Variants in SERPINB5 observed in about 807,000 individuals in gnomAD.
SERPINB5 encodes serpin family B member 5, also known as serpin B5.
SERPINB5 carries 27 observed loss-of-function variants against 32.2 expected under a neutral mutation model. That is an observed-to-expected ratio of 0.84 (90% CI 0.62 to 1.16). The LOEUF (loss-of-function observed/expected upper bound fraction) is 1.16. Among genes scored for constraint, SERPINB5 ranks in the 50% most tolerant of loss-of-function variants. The probability of loss-of-function intolerance (pLI) is 0.00; values close to 1 mark genes in which losing one functional copy is unlikely to be tolerated. For missense variants in SERPINB5, 388 were observed against 436.3 expected (o/e 0.89, Z 0.99); for synonymous variants, 154 against 157.4 (o/e 0.98, Z 0.16).
In SERPINB5 at chr18:63,489,480, T is replaced by TC; in HGVS notation, c.424+16_424+17insC. 1.4e-6 allele frequency: 2 copies of TC among 1,437,040 alleles called. No individual in the cohort carries two copies. The highest frequency in any genetic ancestry group is 2.0e-6 in the Non-Finnish European group (2 of 1,023,826). The allele number at this position is 1,437,040 out of a possible 1,614,324, so 89.0% of individuals were successfully genotyped here. A position where few individuals can be genotyped will look rare whatever the true frequency, so the allele number is the denominator to read the frequency against. Reference sequence around the variant, plus strand: ...CTCACAGATGGCAAGTACCCTTTAATTGTTCTGCTATCAATCACCAAGTAA... The same window carrying TC: ...CTCACAGATGGCAAGTACCCTTTAATCTGTTCTGCTATCAATCACCAAGTAA... On this transcript the variant is annotated intron_variant, in intron 4 of 6. Transcript: ENST00000382771.
At chr18:63,479,708 C>T (rs568930841) in intron 1 of SERPINB5, among the ~76,000 whole-genome samples, 14 of 152,196 alleles carry the variant, frequency 9.2e-5, no homozygotes, top group African/African-American at 3.4e-4. Context: ...GGGGCTATGT[C>T]GTTTTCACCT....
chr18:63,485,247 T>C (rs1917190763), intron 2 of SERPINB5, among the ~76,000 whole-genome samples: 1 of 152,256 alleles, frequency 6.6e-6, no homozygotes, highest in African/African-American at 2.4e-5. Context: ...TATGGTTGAT[T>C]ATCTAGCTTT....
chr18:63,502,720 T>C lies in SERPINB5; in HGVS notation c.736-610T>C, dbSNP rs550675447. Among the ~76,000 whole-genome samples the C allele has an allele frequency of 3.3e-5, 5 of 152,272 alleles. No homozygotes were observed. In the South Asian group the frequency reaches 1.0e-3, roughly 32 times the overall value. The stretch of plus-strand genomic sequence containing the variant: ...TGATCCAGGCATTTGTTTCTATAAA[T>C]CTACTCTCTAACTTAAGGTTGGGTG... On this transcript the variant is annotated intron_variant, in intron 6 of 6. Transcript: ENST00000382771.
At chr18:63,484,308 C>A in intron 1 of SERPINB5, 114 bp from the exon 2 acceptor site, 1 of 1,055,712 alleles carries the variant, frequency 9.5e-7, no homozygotes, top group Non-Finnish European at 1.3e-6. Context: ...TTCCTTGTTT[C>A]TTCTGAGATC....
At chr18:63,493,496 C>G (rs2144503445) in intron 5 of SERPINB5, 1 of 416,460 alleles carries the variant, frequency 2.4e-6, no homozygotes, top group Non-Finnish European at 4.2e-6. Flanking sequence ...ATTAACTTCT[C>G]TAACATCTCA....
chr18:63,499,047 G>A (rs12458045), intron 5 of SERPINB5, 73 bp from the exon 6 acceptor site: 43 of 497,740 alleles, frequency 8.6e-5, no homozygotes, highest in African/African-American at 1.4e-4. Flanking sequence ...GCGCGTGTGT[G>A]TATATATATA....
rs957488890 is a variant in SERPINB5, at chr18:63,503,956, A to G, written c.*234A>G. On this transcript the variant is annotated 3_prime_UTR_variant, in exon 7 of 7. Transcript: ENST00000382771. ...ACAATGACATACGCTTTTAATGAAA[A>G]GGAATCACGTTAGAGGAAAAATATT... 3.9e-6 allele frequency: 2 copies of G among 508,796 alleles called. No individual in the cohort carries two copies. Among genetic ancestry groups the G allele is most frequent in the Admixed American group, 7.7e-5 (2 of 26,106 alleles). The allele number at this position is 508,796 out of a possible 1,614,324, so 31.5% of individuals were successfully genotyped here. A position where few individuals can be genotyped will look rare whatever the true frequency, so the allele number is the denominator to read the frequency against.
At chr18:63,491,532 C>T (rs8099056) in intron 4 of SERPINB5, among the ~76,000 whole-genome samples, 56,198 of 149,568 alleles carry the variant, frequency 0.38, 11,789 homozygotes, top group Non-Finnish European at 0.49. Flanking sequence ...TGGAGTGCAG[C>T]GGCACGATCT....
intron 1 of SERPINB5, among the ~76,000 whole-genome samples, chr18:63,483,965 C>A (rs1048338356): frequency 6.6e-6 from 1 of 152,248 alleles, no homozygotes; most frequent in African/African-American, 2.4e-5. Context: ...CAACCCATTA[C>A]ACTTACTAAA....
intron 1 of SERPINB5, among the ~76,000 whole-genome samples, chr18:63,477,996 G>GT (rs1373656305): frequency 5.3e-5 from 8 of 152,268 alleles, no homozygotes; most frequent in African/African-American, 1.9e-4. Context: ...CGTGGGTTCT[G>GT]TTACCATCTT....
rs1909522655 is a variant in SERPINB5, at chr18:63,499,288, G to A, written c.735+1G>A. On this transcript the variant is annotated splice_donor_variant, in intron 6 of 6. Coordinates refer to ENST00000382771, the MANE Select transcript of SERPINB5 (RefSeq NM_002639.5). LOFTEE classifies it high-confidence loss of function. ...GGATGAGTCCACAGGCTTGGAGAAG[G>A]TAAGGAGAAGGCAGGTGCTCTCCAC... is the stretch of plus-strand genomic sequence containing the variant. 2 of 1,553,926 alleles carry A rather than the reference G, an allele frequency of 1.3e-6. No individual in the cohort carries two copies. The highest frequency in any genetic ancestry group is 1.4e-5 in the African/African-American group (1 of 72,800).
intron 1 of SERPINB5, among the ~76,000 whole-genome samples, chr18:63,482,316 A>G (rs1228820489): frequency 6.6e-6 from 1 of 152,168 alleles, no homozygotes; most frequent in Non-Finnish European, 1.5e-5. Flanking sequence ...GTACTGGCCA[A>G]AGGGAGTCCT....
intron 1 of SERPINB5, among the ~76,000 whole-genome samples, chr18:63,478,742 A>T (rs1197152046): frequency 6.7e-6 from 1 of 149,044 alleles, no homozygotes; most frequent in Non-Finnish European, 1.5e-5. Flanking sequence ...CGATACTCTG[A>T]CACAGTAAAA....
rs10669993 is a variant in SERPINB5, at chr18:63,478,758, G to GTTTT, written c.-8+1726_-8+1729dup. ...GATACTCTGACACAGTAAAAACGTA[G>GTTTT]TTTTTTTTTTTTTTTTCTTGAGATG... is the stretch of plus-strand genomic sequence containing the variant. On this transcript the variant is annotated intron_variant, in intron 1 of 6. Coordinates refer to ENST00000382771, the MANE Select transcript of SERPINB5 (RefSeq NM_002639.5). Among the ~76,000 whole-genome samples the GTTTT allele has an allele frequency of 2.2e-3, 299 of 135,374 alleles. 14 individuals are homozygous for GTTTT. The highest frequency in any genetic ancestry group is 3.8e-3 in the Middle Eastern group (1 of 260). The allele number at this position is 135,374 out of a possible 152,430, so 88.8% of individuals were successfully genotyped here.
chr18:63,481,785 C>T (rs1217610705), intron 1 of SERPINB5, among the ~76,000 whole-genome samples: 1 of 152,210 alleles, frequency 6.6e-6, no homozygotes, highest in African/African-American at 2.4e-5. Flanking sequence ...ACTCAACAGG[C>T]TTTCATTTTT....
At chr18:63,486,219 T>C (rs543821625) in intron 2 of SERPINB5, among the ~76,000 whole-genome samples, 18 of 152,112 alleles carry the variant, frequency 1.2e-4, no homozygotes, top group African/African-American at 4.3e-4. Flanking sequence ...CTCTGAAGAG[T>C]TGGAGAAGAT....
Position 63,489,363 on chromosome 18 carries a change from C to T in SERPINB5, c.323C>T (p.Thr108Met), listed in dbSNP as rs773956284. ...LNLSTEFISS[T>M]KRPYAKELET... ...GTTTTTCAGGAGTTCATCAGCTCTA[C>T]GAAGAGACCGTATGCAAAGGAATTG... Residue 108 changes from threonine to methionine, a missense_variant, in exon 4 of 7, where the codon ACG (threonine) becomes ATG (methionine). Physicochemically the swap from Thr to Met is moderately conservative, Grantham distance 81. Coordinates refer to ENST00000382771, the MANE Select transcript of SERPINB5 (RefSeq NM_002639.5). 5 of 1,606,448 alleles carry T rather than the reference C, an allele frequency of 3.1e-6. No individual in the cohort carries two copies. The African/African-American group carries it at 4.0e-5, about 13-fold the overall frequency.
chr18:63,503,358 T>G lies in SERPINB5; in HGVS notation c.764T>G (p.Leu255Arg). The change falls in exon 7 of 7, where the codon CTG (leucine) becomes CGG (arginine). Residue 255 changes from leucine (L) to arginine (R), a missense_variant. Transcript: ENST00000382771. ...GAAAAACAACTCAACTCAGAGTCAC[T>G]GTCACAGTGGACTAATCCCAGCACC... ...KIEKQLNSES[L>R]SQWTNPSTMA... 6.2e-7 allele frequency: 1 copy of G among 1,614,002 alleles called. No homozygotes were observed. Among genetic ancestry groups the G allele is most frequent in the Non-Finnish European group, 8.5e-7 (1 of 1,179,992 alleles).
intron 2 of SERPINB5, chr18:63,486,707 T>A (rs1917219453): frequency 5.5e-6 from 2 of 364,484 alleles, no homozygotes; most frequent in Non-Finnish European, 9.9e-6. Flanking sequence ...AGGAGGAGGA[T>A]GCCACTGGCA....
Sources: gnomAD v4.1 joint callset for allele counts (sites outside exome capture counted in the v4.1 genomes callset) on GRCh38, gnomAD v4.1.1 for gene constraint, MANE v1.5 for transcripts, NCBI Gene and HGNC (gene_info 2026-07-23, HGNC 2026-07-21) for gene names.